Variants in STK38L observed in about 807,000 individuals in gnomAD.
STK38L encodes the protein serine/threonine-protein kinase 38-like.
In STK38L, 28 loss-of-function variants were observed where a neutral mutation model predicts 59.7. The observed-to-expected ratio is 0.47, with a 90% CI of 0.35 to 0.64. The LOEUF is 0.64. Among genes scored for constraint, STK38L ranks in the 30% least tolerant of loss-of-function variants. The pLI is 0.01. For synonymous variants in STK38L, 162 were observed against 176.8 expected (o/e 0.92, Z 0.66); for missense variants, 314 against 555.8 (o/e 0.56, Z 4.37).
intron 1 of STK38L, among the ~76,000 whole-genome samples, chr12:27,279,967 T>G (rs1943618953): frequency 6.6e-6 from 1 of 152,182 alleles, no homozygotes. Context: ...ATGACTTAAC[T>G]AAGCCTACTT....
chr12:27,261,959 A>G (rs1943211618), intron 1 of STK38L, among the ~76,000 whole-genome samples: 1 of 152,244 alleles, frequency 6.6e-6, no homozygotes, highest in African/African-American at 2.4e-5. Flanking sequence ...TAGCATATGC[A>G]TGGCATGTGG....
chr12:27,302,315 G>C, intron 3 of STK38L, 127 bp downstream of exon 3: 1 of 679,508 alleles, frequency 1.5e-6, no homozygotes, highest in Non-Finnish European at 2.4e-6. Flanking sequence ...CTTTGTTGCT[G>C]TCATGGATAT....
chr12:27,303,604 T>G (rs980564682), intron 3 of STK38L, among the ~76,000 whole-genome samples: 2 of 152,086 alleles, frequency 1.3e-5, no homozygotes, highest in African/African-American at 4.8e-5. Context: ...AGTTTTAGAT[T>G]AGGAGAGGGA....
intron 1 of STK38L, among the ~76,000 whole-genome samples, chr12:27,281,067 GTTTTTTTTTTTTTTTTT>G (rs1167645624): frequency 3.5e-4 from 4 of 11,552 alleles, no homozygotes; most frequent in Admixed American, 1.5e-3. Context: ...CTTTAGCTTT[GTTTTTTTTTTTTTTTTT>G]TTTTTTTTTT....
At chr12:27,278,731 A>C (rs576677652) in intron 1 of STK38L, among the ~76,000 whole-genome samples, 2 of 152,304 alleles carry the variant, frequency 1.3e-5, no homozygotes, top group African/African-American at 4.8e-5. Flanking sequence ...ATTTTTTAAA[A>C]GTACTTTAAA....
intron 1 of STK38L, among the ~76,000 whole-genome samples, chr12:27,293,183 C>T (rs763345165): frequency 6.6e-6 from 1 of 152,206 alleles, no homozygotes; most frequent in Non-Finnish European, 1.5e-5. Context: ...CCTAACACTT[C>T]TTTATGTTTC....
At chr12:27,284,704 G>C (rs1943732940) in intron 1 of STK38L, among the ~76,000 whole-genome samples, 1 of 152,064 alleles carries the variant, frequency 6.6e-6, no homozygotes. Context: ...TCCTAGATTT[G>C]TTTTCCTAAT....
chr12:27,316,803 A>T (rs577628763), intron 9 of STK38L, among the ~76,000 whole-genome samples: 1 of 152,252 alleles, frequency 6.6e-6, no homozygotes, highest in Non-Finnish European at 1.5e-5. Context: ...TACAAAACAC[A>T]TGCCGTTTAT....
intron 1 of STK38L, among the ~76,000 whole-genome samples, chr12:27,267,415 T>TAAC (rs1943322604): frequency 1.3e-5 from 2 of 152,128 alleles, no homozygotes; most frequent in South Asian, 2.1e-4. Flanking sequence ...ACCTCATCTC[T>TAAC]AACAACAACC....
chr12:27,305,652 G>A (rs912114029), intron 3 of STK38L, among the ~76,000 whole-genome samples: 6 of 152,114 alleles, frequency 3.9e-5, no homozygotes, highest in Non-Finnish European at 8.8e-5. Context: ...TGCACTGTCT[G>A]TCTTATACAA....
At chr12:27,261,939 T>A (rs12300284) in intron 1 of STK38L, among the ~76,000 whole-genome samples, 3,564 of 152,342 alleles carry the variant, frequency 0.023, 138 homozygotes, top group African/African-American at 0.081. Flanking sequence ...TGGCATACAG[T>A]TCTGTTTATT....
At chr12:27,292,404 A>G (rs138200640) in intron 1 of STK38L, among the ~76,000 whole-genome samples, 99 of 152,364 alleles carry the variant, frequency 6.5e-4, no homozygotes, top group African/African-American at 2.2e-3. Context: ...CTTTAAAGCT[A>G]AACTATACAA....
At chr12:27,273,933 T>C (rs982153322) in intron 1 of STK38L, among the ~76,000 whole-genome samples, 1 of 152,166 alleles carries the variant, frequency 6.6e-6, no homozygotes, top group African/African-American at 2.4e-5. Flanking sequence ...GACTGACTGA[T>C]TGCTTCTCTC....
At chr12:27,312,446 A>G in intron 5 of STK38L, 103 bp from the exon 6 acceptor site, 12 of 1,273,986 alleles carry the variant, frequency 9.4e-6, no homozygotes, top group African/African-American at 1.5e-5. Flanking sequence ...CTGAAACTCC[A>G]TCTTTCCTTC....
intron 1 of STK38L, among the ~76,000 whole-genome samples, chr12:27,255,046 A>G (rs1321711794): frequency 6.6e-6 from 1 of 152,258 alleles, no homozygotes; most frequent in African/African-American, 2.4e-5. Context: ...AATTGAGCAG[A>G]AAAGGAGACA....
rs758167797 is a variant in STK38L, at chr12:27,250,328, A to G, written c.-12+5996A>G. On this transcript the variant is annotated intron_variant, in intron 1 of 13. Transcript: ENST00000389032. ...TCTTGATTCCTCACCAATTCAAGAG[A>G]CACAGTAAGTAATCTGAACATTTAA... 7.9e-5 allele frequency among the ~76,000 whole-genome samples: 12 copies of G among 152,236 alleles called. No homozygotes were observed. The South Asian group carries it at 1.9e-3, about 24-fold the overall frequency.
At chr12:27,260,345 G>A (rs1431102959) in intron 1 of STK38L, among the ~76,000 whole-genome samples, 1 of 152,058 alleles carries the variant, frequency 6.6e-6, no homozygotes, top group Admixed American at 6.6e-5. Flanking sequence ...CAATAATCAT[G>A]TTTGCCTTCC....
At chr12:27,283,895 C>G (rs1591889464) in intron 1 of STK38L, among the ~76,000 whole-genome samples, 2 of 152,250 alleles carry the variant, frequency 1.3e-5, no homozygotes, top group South Asian at 4.1e-4. Flanking sequence ...GAGACCCTAA[C>G]TTTGGGGCGC....
At chr12:27,266,399 C>T (rs1218552469) in intron 1 of STK38L, among the ~76,000 whole-genome samples, 1 of 152,206 alleles carries the variant, frequency 6.6e-6, no homozygotes, top group African/African-American at 2.4e-5. Context: ...CAATTTGAAA[C>T]ATGAATATCT....
Sources: allele counts gnomAD v4.1 joint callset (sites outside exome capture counted in the v4.1 genomes callset), GRCh38; gene constraint gnomAD v4.1.1; transcripts MANE v1.5; gene names NCBI Gene and HGNC (gene_info 2026-07-23, HGNC 2026-07-21).